KMT2D: variants seen among roughly 807,000 people sequenced by gnomAD.
KMT2D encodes the protein lysine methyltransferase 2D, also known as histone-lysine N-methyltransferase 2D.
Under a neutral mutation model 512.7 loss-of-function variants are expected in KMT2D, and 55 were observed. That is an observed-to-expected ratio of 0.11 (90% CI 0.09 to 0.13). KMT2D has a LOEUF of 0.13. KMT2D is among the 10% of genes least tolerant of loss of function. KMT2D has a pLI of 1.00. For missense variants in KMT2D, 6,061 were observed against 7,127.9 expected (o/e 0.85, Z 5.39); for synonymous variants, 2,995 against 2,904.0 (o/e 1.03, Z -1.01).
intron 2 of KMT2D, 85 bp downstream of exon 2, chr12:49,055,191 A>T (rs1938336339): frequency 6.4e-7 from 1 of 1,552,000 alleles, no homozygotes. Context: ...TGCTACATAG[A>T]CTTAGCTCAT....
rs1943454214 is a variant in KMT2D at position 49,040,410 on chromosome 12, G to C, written c.7360C>G (p.Pro2454Ala). ...GGGTCACGGGACTGAGGGCGTGAGG[G>C]TGGGCGAGAATAAGGGTCAGGGGAC... Reference protein sequence around the residue: ...FQSPDPYSRPPSRPQSRDPFA... With the variant: ...FQSPDPYSRPASRPQSRDPFA... The change falls in exon 32 of 55, where the codon CCC becomes GCC. Residue 2454 changes from proline to alanine, a missense_variant. Physicochemically the swap from Pro to Ala is conservative, Grantham distance 27 (BLOSUM62 -1). Around this residue, in one of 16 missense-constraint regions of KMT2D, gnomAD observed 710 missense variants for 647.3 expected, o/e 1.10. Transcript: ENST00000301067. 1 of 1,562,680 alleles carries C rather than the reference G, an allele frequency of 6.4e-7. No individual in the cohort carries two copies. The highest frequency in any genetic ancestry group is 8.7e-7 in the Non-Finnish European group (1 of 1,153,508).
In KMT2D at chr12:49,055,347, C is replaced by T. The variant is rs769525380; in HGVS notation, c.-23G>A. The stretch of plus-strand genomic sequence containing the variant: ...CATCCCTCTCTCCGACTGGGCAGGG[C>T]CCTCTCGGGGAGACCTGTTGGTGCC... On this transcript the variant is annotated 5_prime_UTR_variant, in exon 2 of 55. Coordinates refer to ENST00000301067, the MANE Select transcript of KMT2D (RefSeq NM_003482.4). 6 of 1,612,788 alleles carry T rather than the reference C, an allele frequency of 3.7e-6. No individual in the cohort carries two copies. The highest frequency in any genetic ancestry group is 1.1e-5 in the South Asian group (1 of 91,014).
chr12:49,054,545 T>G lies in KMT2D; in HGVS notation c.383A>C (p.His128Pro). ...IGFPEGLTPA[H>P]LGEPGGSCWA... ...TCACTCACCTCCAGGTTCTCCTAGG[T>G]GGGCAGGTGTAAGGCCCTCAGGGAA... Residue 128 changes from histidine (H) to proline (P), a missense_variant, in exon 4 of 55, where the codon CAC (histidine) becomes CCC (proline). Around this residue, in one of 16 missense-constraint regions of KMT2D, gnomAD observed 144 missense variants for 165.7 expected, o/e 0.87. Coordinates refer to ENST00000301067, the MANE Select transcript of KMT2D (RefSeq NM_003482.4). The surrounding 1 kb of genome is among the most constrained non-coding windows in gnomAD (Gnocchi z 6.4). 1 of 1,611,466 alleles carries G rather than the reference T, an allele frequency of 6.2e-7. No individual in the cohort carries two copies.
intron 8 of KMT2D, 60 bp downstream of exon 8, chr12:49,053,147 A>G: frequency 5.0e-6 from 8 of 1,611,504 alleles, no homozygotes; most frequent in Non-Finnish European, 6.8e-6. Flanking sequence ...ACTTGTCAAG[A>G]CAGAGAATGC....
Position 49,050,704 on chromosome 12 carries a change from C to G in KMT2D, c.2884G>C (p.Gly962Arg). ...SPLGELEYPFGAKGDSDPESP... is the reference protein window; with the variant it reads ...SPLGELEYPFRAKGDSDPESP... ...TCAGGGTCACTGTCCCCTTTGGCACCAAAGGGGTACTCTAACTCCCCCAAA... is the reference window on the plus strand; with the variant it reads ...TCAGGGTCACTGTCCCCTTTGGCACGAAAGGGGTACTCTAACTCCCCCAAA... The change falls in exon 12 of 55, where the codon GGT (glycine) becomes CGT (arginine). Residue 962 changes from glycine (G) to arginine (R), a missense_variant. Coordinates refer to ENST00000301067, the MANE Select transcript of KMT2D (RefSeq NM_003482.4). 1 of 1,613,412 alleles carries G rather than the reference C, an allele frequency of 6.2e-7. No individual in the cohort carries two copies. Among genetic ancestry groups the G allele is most frequent in the Non-Finnish European group, 8.5e-7 (1 of 1,179,716 alleles).
rs751694969 is a variant in KMT2D, at chr12:49,027,033, CGAG to C, written c.14930_14932del (p.Pro4977del). The stretch of plus-strand genomic sequence containing the variant: ...GCGCACTCCTTTCCATTTCTTGAGG[CGAG>C]GAGGACGGGAATCTTCACCTTCTTC... On this transcript the variant is annotated inframe_deletion, in exon 49 of 55. Coordinates refer to ENST00000301067, the MANE Select transcript of KMT2D (RefSeq NM_003482.4). 3.1e-6 allele frequency: 5 copies of C among 1,613,820 alleles called. No homozygotes were observed. The African/African-American group carries it at 6.7e-5, about 22-fold the overall frequency.
In KMT2D at chr12:49,034,191, C is replaced by T; in HGVS notation, c.10616G>A (p.Arg3539Gln). Residue 3539 changes from arginine to glutamine, a missense_variant, in exon 39 of 55, where the codon CGG becomes CAG. Arg to Gln is a conservative substitution (Grantham distance 43). Around this residue, in one of 16 missense-constraint regions of KMT2D, gnomAD observed 50 missense variants for 119.9 expected, o/e 0.42. Coordinates refer to ENST00000301067, the MANE Select transcript of KMT2D (RefSeq NM_003482.4). The stretch of plus-strand genomic sequence containing the variant: ...GCGCTGCTTGGCACACAGAGCCTTC[C>T]GGGACTTGCGGTGTACACCAATCTG... ...EEQIGVHRKSRKALCAKQRTA... is the reference protein window; with the variant it reads ...EEQIGVHRKSQKALCAKQRTA... 6.2e-7 allele frequency: 1 copy of T among 1,613,482 alleles called. No homozygotes were observed.
intron 1 of KMT2D, among the ~76,000 whole-genome samples, chr12:49,057,676 C>T (rs833836): frequency 0.09 from 13,753 of 152,276 alleles, 833 homozygotes; most frequent in Non-Finnish European, 0.14. Flanking sequence ...GCACAGGGAT[C>T]CCAATGCTGA....
chr12:49,029,003 C>T (rs2120389484), intron 45 of KMT2D, 45 bp from the exon 46 acceptor site: 1 of 1,609,266 alleles, frequency 6.2e-7, no homozygotes, highest in African/African-American at 1.3e-5. Context: ...CCGCCTCTCC[C>T]CCAGCTTCGG....
At chr12:49,027,352 C>G in intron 48 of KMT2D, 30 bp from the exon 49 acceptor site, 3 of 1,494,712 alleles carry the variant, frequency 2.0e-6, no homozygotes, top group Non-Finnish European at 2.7e-6. Context: ...ATCATTAGTG[C>G]CAGCTCCTCA....
Position 49,031,664 on chromosome 12 carries a change from C to T in KMT2D, c.13041G>A (p.Gln4347=), listed in dbSNP as rs1942917415. Residue 4347 remains glutamine (Q), a synonymous_variant, in exon 40 of 55, where the codon CAG becomes CAA. Coordinates refer to ENST00000301067, the MANE Select transcript of KMT2D (RefSeq NM_003482.4). Reference sequence around the variant, plus strand: ...CAGGAGGCGGCTCCAAGGTTGGCCCCTGAGGTTTGGGGGTCCCTGGATGGG... The same window carrying T: ...CAGGAGGCGGCTCCAAGGTTGGCCCTTGAGGTTTGGGGGTCCCTGGATGGG... ...PPTHPGTPKP[Q]GPTLEPPPGR... 1 of 1,609,550 alleles carries T rather than the reference C, an allele frequency of 6.2e-7. No individual in the cohort carries two copies. Among genetic ancestry groups the T allele is most frequent in the Admixed American group, 1.7e-5 (1 of 59,216 alleles).
intron 1 of KMT2D, among the ~76,000 whole-genome samples, chr12:49,058,169 A>C (rs1938523489): frequency 6.6e-6 from 1 of 152,072 alleles, no homozygotes; most frequent in African/African-American, 2.4e-5. Context: ...GATGGATCCA[A>C]ATGGAACACT....
At chr12:49,043,461 T>A (rs992882135) in intron 24 of KMT2D, 33 bp from the exon 25 acceptor site, 1 of 1,611,190 alleles carries the variant, frequency 6.2e-7, no homozygotes, top group Non-Finnish European at 8.5e-7. Flanking sequence ...CAATCAGAGA[T>A]GTCCTACATC....
chr12:49,041,542 G>A lies in KMT2D; in HGVS notation c.6235-7C>T, dbSNP rs2120548664. On this transcript the variant is annotated splice_polypyrimidine_tract_variant and splice_region_variant and intron_variant, in intron 31 of 54. Coordinates refer to ENST00000301067, the MANE Select transcript of KMT2D (RefSeq NM_003482.4). This position sits in a 1 kb window ranked among gnomAD's most constrained non-coding sequence, Gnocchi z 5.4. ...TGATCTGGCTCTCAGCCTGCTACAG[G>A]GGGAGACCAGGCATAGGGCAGTCAG... The A allele has an allele frequency of 6.2e-7, 1 of 1,613,266 alleles. No homozygotes were observed. The highest frequency in any genetic ancestry group is 8.5e-7 in the Non-Finnish European group (1 of 1,179,516).
Position 49,045,099 on chromosome 12 carries a change from G to A in KMT2D, c.4742-134C>T, listed in dbSNP as rs1251697778. Reference sequence around the variant, plus strand: ...CAGCTTAGGGTCTAAATGCTGAGGAGAACAGGCCACCAAGGGGCACTGGCT... The same window carrying A: ...CAGCTTAGGGTCTAAATGCTGAGGAAAACAGGCCACCAAGGGGCACTGGCT... On this transcript the variant is annotated intron_variant, in intron 19 of 54. Transcript: ENST00000301067. 5.0e-6 allele frequency: 4 copies of A among 793,650 alleles called. No individual in the cohort carries two copies. In the Admixed American group the frequency reaches 9.7e-5, roughly 19 times the overall value. The allele number at this position is 793,650 out of a possible 1,614,324, so 49.2% of individuals were successfully genotyped here.
At position 49,032,497 on chromosome 12, in the gene KMT2D, A is replaced by G. The variant is rs953411455; in HGVS notation, c.12208T>C (p.Ser4070Pro). 6.3e-7 allele frequency: 1 copy of G among 1,575,030 alleles called. No individual in the cohort carries two copies. The highest frequency in any genetic ancestry group is 8.6e-7 in the Non-Finnish European group (1 of 1,160,076). ...ACAAGCAGGAGTTGTGAGTCCCCAG[A>G]GAGTGAGGGCTTTACCTCTCCTGGT... ...TEPGEVKPSLSGDSQLLLVQP... is the reference protein window; with the variant it reads ...TEPGEVKPSLPGDSQLLLVQP... Residue 4070 changes from serine (S) to proline (P), a missense_variant, in exon 40 of 55, where the codon TCT becomes CCT. Coordinates refer to ENST00000301067, the MANE Select transcript of KMT2D (RefSeq NM_003482.4).
At chr12:49,058,852 G>A (rs946645168) in intron 1 of KMT2D, among the ~76,000 whole-genome samples, 2 of 152,136 alleles carry the variant, frequency 1.3e-5, no homozygotes, top group Non-Finnish European at 2.9e-5. Flanking sequence ...GCCTACATTC[G>A]CAGGGAGCAA....
At chr12:49,047,809 G>A (rs1277258856) in intron 15 of KMT2D, among the ~76,000 whole-genome samples, 156 bp downstream of exon 15, 2 of 152,190 alleles carry the variant, frequency 1.3e-5, no homozygotes, top group African/African-American at 4.8e-5. Context: ...GAGTTCCAAA[G>A]TACTTTTCCC....
In KMT2D at chr12:49,033,010, G is replaced by T. The variant is rs1276213833; in HGVS notation, c.11695C>A (p.Gln3899Lys). Reference sequence around the variant, plus strand: ...TGCAGCTGCTGCTGCTGCTGAAGCTGCTGTAAAGAGCCCATGGGCTGAGCG... The same window carrying T: ...TGCAGCTGCTGCTGCTGCTGAAGCTTCTGTAAAGAGCCCATGGGCTGAGCG... ...LSAQPMGSLQ[Q>K]LQQQQQLQQQ... The change falls in exon 40 of 55, where the codon CAG becomes AAG. Residue 3899 changes from glutamine (Q) to lysine (K), a missense_variant. By Grantham distance (53) the Gln-to-Lys change is moderately conservative. Around this residue, in one of 16 missense-constraint regions of KMT2D, gnomAD observed 1,600 missense variants for 1,754.9 expected, o/e 0.91. Coordinates refer to ENST00000301067, the MANE Select transcript of KMT2D (RefSeq NM_003482.4). 1.3e-5 allele frequency: 20 copies of T among 1,551,366 alleles called. No homozygotes were observed. The Middle Eastern group carries it at 5.0e-4, about 39-fold the overall frequency.
Sources: gnomAD v4.1 joint callset for allele counts (sites outside exome capture counted in the v4.1 genomes callset) on GRCh38, gnomAD v4.1.1 for gene constraint, gnomAD v4.1.1 regional missense constraint, Gnocchi (gnomAD v3.1) non-coding constraint, MANE v1.5 for transcripts, NCBI Gene and HGNC (gene_info 2026-07-23, HGNC 2026-07-21) for gene names.